The following CUBN variants were observed in gnomAD, a reference collection of about 807,000 sequenced individuals.
CUBN encodes the protein cubilin, also known as 460 kDa receptor.
In CUBN, 282 loss-of-function variants were observed where a neutral mutation model predicts 405.3. The ratio of observed to expected loss-of-function variants is 0.70; its 90% CI spans 0.63 to 0.77. The LOEUF (loss-of-function observed/expected upper bound fraction) is 0.77, where lower values mean the gene tolerates loss of function less well. CUBN is among the 30% of genes least tolerant of loss of function. The pLI is 0.00. For synonymous variants in CUBN, 1,684 were observed against 1,617.0 expected, an observed-to-expected ratio of 1.04 and a Z score of -0.99; for missense variants, 4,514 against 4,475.2, an observed-to-expected ratio of 1.01 and a Z score of -0.25.
At chr10:16,974,005 G>A (rs41532144) in intron 31 of CUBN, among the ~76,000 whole-genome samples, 12,621 of 152,026 alleles carry the variant, frequency 0.083, 1,189 homozygotes, top group African/African-American at 0.22. Flanking sequence ...CTAGTATTCC[G>A]CGCTGTCTCT....
At chr10:16,895,633 T>A (rs1472065729) in intron 54 of CUBN, among the ~76,000 whole-genome samples, 1 of 152,224 alleles carries the variant, frequency 6.6e-6, no homozygotes, top group East Asian at 1.9e-4. Context: ...GATCCTTTTA[T>A]CATTATGTAA....
intron 22 of CUBN, among the ~76,000 whole-genome samples, chr10:17,055,705 A>G (rs1835378160): frequency 6.6e-6 from 1 of 152,164 alleles, no homozygotes; most frequent in Admixed American, 6.5e-5. Flanking sequence ...GAAACACTTG[A>G]TAACAAGTTT....
At chr10:16,891,853 A>G (rs1223105747) in intron 54 of CUBN, among the ~76,000 whole-genome samples, 1 of 152,144 alleles carries the variant, frequency 6.6e-6, no homozygotes, top group African/African-American at 2.4e-5. Context: ...GATGGGTAGT[A>G]TCTAGTGGGT....
intron 14 of CUBN, among the ~76,000 whole-genome samples, chr10:17,097,648 T>A (rs1386779374): frequency 6.6e-6 from 1 of 152,098 alleles, no homozygotes; most frequent in Non-Finnish European, 1.5e-5. Context: ...AATCTAGCAA[T>A]GTATAAAAAG....
At chr10:17,081,260 A>T (rs560073766) in intron 17 of CUBN, among the ~76,000 whole-genome samples, 24 of 152,186 alleles carry the variant, frequency 1.6e-4, no homozygotes, top group Non-Finnish European at 3.2e-4. Flanking sequence ...AAGGCACCTA[A>T]AACCACACAA....
chr10:17,076,495 A>C (rs1424628602), intron 17 of CUBN, among the ~76,000 whole-genome samples: 9 of 152,132 alleles, frequency 5.9e-5, no homozygotes, highest in African/African-American at 1.2e-4. Flanking sequence ...AAAAAAAAAA[A>C]AAAAAACCTC....
chr10:17,087,377 G>A (rs1159316736), intron 15 of CUBN, among the ~76,000 whole-genome samples: 1 of 151,686 alleles, frequency 6.6e-6, no homozygotes, highest in Non-Finnish European at 1.5e-5. Context: ...GTAGGCAGAA[G>A]GAGCTTCGGC....
At chr10:17,052,487 T>G (rs1415264619) in intron 22 of CUBN, among the ~76,000 whole-genome samples, 2 of 149,774 alleles carry the variant, frequency 1.3e-5, no homozygotes, top group African/African-American at 2.4e-5. Flanking sequence ...CTGGGTGCGG[T>G]GGCTCATGCC....
intron 56 of CUBN, among the ~76,000 whole-genome samples, chr10:16,882,180 G>C (rs1023911178): frequency 1.3e-5 from 2 of 152,122 alleles, no homozygotes; most frequent in East Asian, 3.9e-4. Context: ...AGACATATGC[G>C]AACTTGTGAG....
chr10:16,961,418 C>T (rs1843213636), intron 31 of CUBN, among the ~76,000 whole-genome samples: 1 of 152,074 alleles, frequency 6.6e-6, no homozygotes, highest in South Asian at 2.1e-4. Flanking sequence ...CATAAATGTC[C>T]ATCATTTCTA....
At chr10:16,922,207 G>A (rs1842053329) in intron 43 of CUBN, among the ~76,000 whole-genome samples, 1 of 152,114 alleles carries the variant, frequency 6.6e-6, no homozygotes, top group Non-Finnish European at 1.5e-5. Flanking sequence ...CTTGATAAAT[G>A]TCTGTGGGAA....
intron 44 of CUBN, 33 bp from the exon 45 acceptor site, chr10:16,918,833 A>G (rs767110972): frequency 1.3e-6 from 2 of 1,579,024 alleles, no homozygotes; most frequent in East Asian, 2.3e-5. Flanking sequence ...TTAAATTTAC[A>G]TGGTCAGATG....
At chr10:16,967,827 G>C (rs1275472153) in intron 31 of CUBN, among the ~76,000 whole-genome samples, 1 of 133,478 alleles carries the variant, frequency 7.5e-6, no homozygotes, top group Admixed American at 7.7e-5. Flanking sequence ...CAGAGGGAGA[G>C]AGAGAGAAGG....
chr10:16,913,184 G>A (rs1841781149), intron 48 of CUBN, among the ~76,000 whole-genome samples: 1 of 152,088 alleles, frequency 6.6e-6, no homozygotes, highest in Non-Finnish European at 1.5e-5. Flanking sequence ...CTGCAGAAGG[G>A]GCAAGTTGGG....
intron 29 of CUBN, among the ~76,000 whole-genome samples, chr10:16,987,325 A>G (rs113988678): frequency 0.013 from 1,920 of 152,336 alleles, 45 homozygotes; most frequent in African/African-American, 0.043. Context: ...ATATGACTAA[A>G]CTTTGGGGGA....
intron 17 of CUBN, among the ~76,000 whole-genome samples, chr10:17,083,380 C>T (rs762361249): frequency 2.8e-4 from 43 of 152,126 alleles, no homozygotes; most frequent in Non-Finnish European, 4.7e-4. Context: ...TGGCACATGC[C>T]TGTAATCCCA....
chr10:17,027,335 A>C (rs1176751787), intron 27 of CUBN, among the ~76,000 whole-genome samples: 1 of 152,200 alleles, frequency 6.6e-6, no homozygotes, highest in Non-Finnish European at 1.5e-5. Context: ...AAATGACATA[A>C]TAAATAACAT....
intron 22 of CUBN, among the ~76,000 whole-genome samples, chr10:17,047,831 C>A (rs970676000): frequency 6.6e-6 from 1 of 152,134 alleles, no homozygotes. Flanking sequence ...TTATATATAT[C>A]TTGAGTAAAC....
chr10:16,935,271 C>T (rs1471125544), intron 39 of CUBN, among the ~76,000 whole-genome samples: 3 of 152,154 alleles, frequency 2.0e-5, no homozygotes, highest in Non-Finnish European at 4.4e-5. Context: ...CCTGCCTCTG[C>T]CTCCTGAGTA....
Sources: gnomAD v4.1 joint callset for allele counts (sites outside exome capture counted in the v4.1 genomes callset) on GRCh38, gnomAD v4.1.1 for gene constraint, MANE v1.5 for transcripts, NCBI Gene and HGNC (gene_info 2026-07-23, HGNC 2026-07-21) for gene names.